NAALADL2: variants seen among roughly 807,000 people sequenced by gnomAD.
NAALADL2 encodes N-acetylated alpha-linked acidic dipeptidase like 2.
A neutral mutation model predicts 87.2 loss-of-function variants in NAALADL2; 76 were observed. The ratio of observed to expected loss-of-function variants is 0.87; its 90% CI spans 0.72 to 1.05. The LOEUF (loss-of-function observed/expected upper bound fraction) is 1.05. NAALADL2 is among the 50% of genes least tolerant of loss of function. NAALADL2 has a pLI of 0.00. For missense variants in NAALADL2, 1,089 were observed against 945.8 expected (o/e 1.15, Z -1.99); for synonymous variants, 354 against 331.0 (o/e 1.07, Z -0.75).
At chr3:175,536,578 A>G (rs1734843394) in intron 9 of NAALADL2, among the ~76,000 whole-genome samples, 1 of 152,204 alleles carries the variant, frequency 6.6e-6, no homozygotes, top group African/African-American at 2.4e-5. Flanking sequence ...TATTAAATTA[A>G]TAGACTTGAA....
intron 9 of NAALADL2, among the ~76,000 whole-genome samples, chr3:175,574,477 G>T (rs1718564105): frequency 6.6e-6 from 1 of 152,108 alleles, no homozygotes; most frequent in South Asian, 2.1e-4. Context: ...TTGATTGGTT[G>T]TTTTCTATGC....
At chr3:175,511,068 G>A (rs1731084703) in intron 9 of NAALADL2, among the ~76,000 whole-genome samples, 1 of 152,148 alleles carries the variant, frequency 6.6e-6, no homozygotes, top group African/African-American at 2.4e-5. Context: ...ATAAAAGTAT[G>A]TAAGTCCGGG....
intron 1 of NAALADL2, among the ~76,000 whole-genome samples, chr3:174,445,670 C>G (rs1314721107): frequency 1.3e-5 from 2 of 152,046 alleles, no homozygotes; most frequent in African/African-American, 4.8e-5. Flanking sequence ...TATGATGTAA[C>G]TATAAAGTTG....
intron 11 of NAALADL2, among the ~76,000 whole-genome samples, chr3:175,735,856 A>G (rs934332067): frequency 5.9e-5 from 9 of 152,226 alleles, no homozygotes; most frequent in Non-Finnish European, 1.0e-4. Flanking sequence ...TGGATATATA[A>G]CATCATAATT....
At chr3:174,459,813 G>A (rs1186492086) in intron 1 of NAALADL2, 2 of 152,052 alleles carry the variant, frequency 1.3e-5, no homozygotes, top group African/African-American at 4.8e-5. Flanking sequence ...CTACCTGGAT[G>A]TTATATTGTA....
At chr3:174,616,842 C>T (rs610287) in intron 2 of NAALADL2, among the ~76,000 whole-genome samples, 98,178 of 151,526 alleles carry the variant, frequency 0.65, 33,042 homozygotes, top group East Asian at 0.87. Context: ...CTATTCTTGG[C>T]ATCTTGATAT....
chr3:175,064,262 A>G (rs542995355), intron 1 of NAALADL2, among the ~76,000 whole-genome samples: 3,062 of 151,618 alleles, frequency 0.02, 48 homozygotes, highest in Non-Finnish European at 0.03. Context: ...AAAAAAAAAG[A>G]AAAACGACAA....
chr3:174,524,728 A>G lies in NAALADL2; in HGVS notation c.-183-25841A>G, dbSNP rs982040203. On this transcript the variant is annotated intron_variant, in intron 1 of 3. Coordinates refer to the NAALADL2 transcript ENST00000434257. ...ATGCCCAACAAATTAAAAAAAAAAA[A>G]AAGAAGAAAACATTTGTCGAGGTTG... Among the ~76,000 whole-genome samples the G allele has an allele frequency of 4.6e-5, 7 of 151,800 alleles. No individual in the cohort carries two copies. The South Asian group carries it at 8.3e-4, about 18-fold the overall frequency.
At chr3:175,015,426 C>T (rs866786333) in intron 1 of NAALADL2, among the ~76,000 whole-genome samples, 2 of 152,042 alleles carry the variant, frequency 1.3e-5, no homozygotes, top group Non-Finnish European at 2.9e-5. Context: ...AAGCAGTCGC[C>T]GTTTGAGTGG....
At chr3:174,554,761 A>C (rs910056286) in intron 2 of NAALADL2, among the ~76,000 whole-genome samples, 4 of 151,834 alleles carry the variant, frequency 2.6e-5, no homozygotes, top group Admixed American at 2.6e-4. Context: ...AGTCATATAT[A>C]CCAATAATTT....
intron 2 of NAALADL2, among the ~76,000 whole-genome samples, chr3:174,590,159 A>T (rs1717201379): frequency 6.6e-6 from 1 of 151,964 alleles, no homozygotes. Flanking sequence ...ATCAGTCAGA[A>T]CCATAGATTT....
intron 5 of NAALADL2, among the ~76,000 whole-genome samples, chr3:175,365,196 A>G (rs774221032): frequency 6.8e-6 from 1 of 147,630 alleles, no homozygotes; most frequent in Non-Finnish European, 1.5e-5. Context: ...AACATTTTCA[A>G]TAAGTCTCTA....
intron 2 of NAALADL2, among the ~76,000 whole-genome samples, chr3:175,152,521 C>A (rs1347075611): frequency 2.0e-5 from 3 of 152,094 alleles, no homozygotes; most frequent in Admixed American, 2.0e-4. Context: ...AGAACTGGCA[C>A]ACCAAAAATA....
chr3:174,754,931 C>T (rs1711817319), intron 3 of NAALADL2, among the ~76,000 whole-genome samples: 2 of 151,794 alleles, frequency 1.3e-5, no homozygotes, highest in South Asian at 2.1e-4. Flanking sequence ...AGGTAAATAC[C>T]TTTTTTAAGT....
intron 9 of NAALADL2, among the ~76,000 whole-genome samples, chr3:175,527,949 A>C (rs1733631519): frequency 6.6e-6 from 1 of 152,100 alleles, no homozygotes; most frequent in Admixed American, 6.5e-5. Context: ...CTAGGGGTTG[A>C]AGGTCCACAG....
intron 2 of NAALADL2, among the ~76,000 whole-genome samples, chr3:174,567,484 C>T (rs1265610288): frequency 6.6e-6 from 1 of 151,286 alleles, no homozygotes; most frequent in East Asian, 1.9e-4. Context: ...ATTATTTATA[C>T]CTACCTGACT....
chr3:175,099,885 AG>A (rs1399562796), intron 2 of NAALADL2, among the ~76,000 whole-genome samples: 16 of 152,178 alleles, frequency 1.1e-4, no homozygotes, highest in African/African-American at 3.8e-4. Context: ...TATTTTCTAA[AG>A]AATGAAATGA....
intron 5 of NAALADL2, among the ~76,000 whole-genome samples, chr3:175,408,990 C>A (rs1460813770): frequency 1.3e-5 from 2 of 151,864 alleles, no homozygotes; most frequent in Non-Finnish European, 2.9e-5. Flanking sequence ...TTACACTATA[C>A]CCACATATCT....
chr3:175,573,376 G>A, intron 9 of NAALADL2, among the ~76,000 whole-genome samples: 1 of 152,140 alleles, frequency 6.6e-6, no homozygotes, highest in Non-Finnish European at 1.5e-5. Context: ...AGAAAGTAAA[G>A]ACCAGATCTT....
Sources: gnomAD v4.1 joint callset for allele counts (sites outside exome capture counted in the v4.1 genomes callset) on GRCh38, gnomAD v4.1.1 for gene constraint, MANE v1.5 for transcripts, NCBI Gene and HGNC (gene_info 2026-07-23, HGNC 2026-07-21) for gene names.